The following ATP2A3 variants were observed in gnomAD, a reference collection of about 807,000 sequenced individuals.
ATP2A3 encodes ATPase sarcoplasmic/endoplasmic reticulum Ca2+ transporting 3.
Under a neutral mutation model 106.8 loss-of-function variants are expected in ATP2A3, and 61 were observed. That is an observed-to-expected ratio of 0.57 (90% CI 0.46 to 0.71). The LOEUF is 0.71. ATP2A3 is among the 30% of genes least tolerant of loss of function. The pLI is 0.00. For missense variants in ATP2A3, 1,201 were observed against 1,423.5 expected, an observed-to-expected ratio of 0.84 and a Z score of 2.52; for synonymous variants, 611 against 609.3, an observed-to-expected ratio of 1.00 and a Z score of -0.04.
At chr17:3,958,849 AAT>A (rs775662160) in intron 1 of ATP2A3, among the ~76,000 whole-genome samples, 4,118 of 84,176 alleles carry the variant, frequency 0.049, 330 homozygotes, top group South Asian at 0.13. Flanking sequence ...CACATATATA[AAT>A]ATATATATAT....
At chr17:3,935,341 T>A in intron 16 of ATP2A3, 64 bp from the exon 17 acceptor site, 1 of 1,479,012 alleles carries the variant, frequency 6.8e-7, no homozygotes, top group Non-Finnish European at 9.4e-7. Context: ...CTGTTTCCCC[T>A]GCCTAATAAT....
In ATP2A3 at chr17:3,928,720, G is replaced by A; in HGVS notation, c.2923C>T (p.Leu975=). ...GCCTCATCCAGCAGGATGACAGGCA[G>A]AGATATCTGGAGCACCACCACCCAC... ...RQWVVVLQIS[L]PVILLDEALK... Residue 975 remains leucine (L), a synonymous_variant, in exon 20 of 21, where the codon CTG becomes TTG. Coordinates refer to ENST00000397041, the MANE Select transcript of ATP2A3 (RefSeq NM_005173.4). This position sits in a 1 kb window ranked among gnomAD's most constrained non-coding sequence, Gnocchi z 6.1. 2 of 1,551,638 alleles carry A rather than the reference G, an allele frequency of 1.3e-6. No individual in the cohort carries two copies. The highest frequency in any genetic ancestry group is 1.7e-6 in the Non-Finnish European group (2 of 1,147,288).
intron 1 of ATP2A3, among the ~76,000 whole-genome samples, chr17:3,963,846 TG>T (rs1008369022): frequency 2.0e-5 from 3 of 151,838 alleles, no homozygotes; most frequent in African/African-American, 7.3e-5. Context: ...GGCGCGGCGT[TG>T]GGGTGGAATA....
intron 11 of ATP2A3, 60 bp from the exon 12 acceptor site, chr17:3,942,791 C>A: frequency 6.2e-7 from 1 of 1,601,810 alleles, no homozygotes; most frequent in Non-Finnish European, 8.5e-7. Flanking sequence ...CGCCTGCCTT[C>A]CCACCAACTG....
intron 4 of ATP2A3, 57 bp downstream of exon 4, chr17:3,951,524 C>T (rs2054430562): frequency 6.4e-7 from 1 of 1,556,754 alleles, no homozygotes; most frequent in Non-Finnish European, 8.7e-7. Flanking sequence ...AGGTGGAGGG[C>T]ACTCCTAGTG....
chr17:3,937,039 TCA>T (rs1440582852), intron 15 of ATP2A3: 7 of 363,722 alleles, frequency 1.9e-5, no homozygotes. Flanking sequence ...CACACACCTC[TCA>T]CTCAGGCACT....
Position 3,953,278 on chromosome 17 carries a change from C to T in ATP2A3, c.219+69G>A. On this transcript the variant is annotated intron_variant, in intron 3 of 20. Coordinates refer to ENST00000397041, the MANE Select transcript of ATP2A3 (RefSeq NM_005173.4). This position sits in a 1 kb window ranked among gnomAD's most constrained non-coding sequence, Gnocchi z 5.1. ...AGGCCCAGGCTCCAGGACCTCGGAG[C>T]ACTGCCCAGCCTGGCTCTCCCTCCA... The T allele has an allele frequency of 1.3e-6, 2 of 1,545,564 alleles. No individual in the cohort carries two copies. Among genetic ancestry groups the T allele is most frequent in the East Asian group, 2.2e-5 (1 of 44,502 alleles).
chr17:3,931,139 CA>C (rs561383105), intron 17 of ATP2A3, among the ~76,000 whole-genome samples: 1,373 of 130,466 alleles, frequency 0.011, 2 homozygotes, highest in Middle Eastern at 0.016. Context: ...GACTCTGTCT[CA>C]AAAAAAAAAA....
intron 1 of ATP2A3, among the ~76,000 whole-genome samples, chr17:3,959,991 C>T (rs893793529): frequency 5.9e-5 from 9 of 152,184 alleles, no homozygotes; most frequent in Middle Eastern, 3.2e-3. Context: ...TGGGGGGCTT[C>T]AGCTGCCCAG....
At position 3,930,384 on chromosome 17, in the gene ATP2A3, G is replaced by T. The variant is rs766499633; in HGVS notation, c.2661C>A (p.Asp887Glu). 2 of 1,613,880 alleles carry T rather than the reference G, an allele frequency of 1.2e-6. No individual in the cohort carries two copies. The highest frequency in any genetic ancestry group is 1.7e-5 in the Admixed American group (1 of 59,994). ...GGAAGCGTGACTCGAACACCTCACA[G>T]TCGATGCCGGCAAAGAGCGGGTTGT... Reference protein sequence around the residue: ...SEDNPLFAGIDCEVFESRFPT... With the variant: ...SEDNPLFAGIECEVFESRFPT... The change falls in exon 18 of 21, where the codon GAC becomes GAA. Residue 887 changes from aspartate to glutamate, a missense_variant. Asp to Glu is a conservative substitution (Grantham distance 45). Around this residue, in one of 2 missense-constraint regions of ATP2A3, gnomAD observed 935 missense variants for 1,176.7 expected, o/e 0.79. Coordinates refer to ENST00000397041, the MANE Select transcript of ATP2A3 (RefSeq NM_005173.4). The surrounding 1 kb of genome is among the most constrained non-coding windows in gnomAD (Gnocchi z 5.4).
At chr17:3,937,971 G>A (rs553911831) in intron 14 of ATP2A3, among the ~76,000 whole-genome samples, 3 of 152,266 alleles carry the variant, frequency 2.0e-5, no homozygotes, top group Admixed American at 6.5e-5. Flanking sequence ...CTGAGGTTAG[G>A]GAGAAAGCTG....
At position 3,964,222 on chromosome 17, in the gene ATP2A3, G is replaced by A; in HGVS notation, c.70C>T (p.Leu24=). Reference sequence around the variant, plus strand: ...GCGCCGGTCACCTGCGCCGGGCTCAGGCCGCCCTCGGCTGTCACCGAGAAG... The same window carrying A: ...GCGCCGGTCACCTGCGCCGGGCTCAAGCCGCCCTCGGCTGTCACCGAGAAG... ...RHFSVTAEGG[L]SPAQVTGARE... is the part of the protein sequence containing the mutation. Residue 24 remains leucine (L), a synonymous_variant, in exon 1 of 21, where the codon CTG becomes TTG. Coordinates refer to ENST00000397041, the MANE Select transcript of ATP2A3 (RefSeq NM_005173.4). 7.8e-7 allele frequency: 1 copy of A among 1,274,890 alleles called. No homozygotes were observed. The highest frequency in any genetic ancestry group is 1.0e-6 in the Non-Finnish European group (1 of 998,622). 79.0% of individuals were successfully genotyped at this position (1,274,890 alleles called of 1,614,324 possible). A position where few individuals can be genotyped will look rare whatever the true frequency, so the allele number is the denominator to read the frequency against.
rs1402857055 is a variant in ATP2A3 at position 3,941,077 on chromosome 17, T to G, written c.1994A>C (p.Gln665Pro). The change falls in exon 14 of 21, where the codon CAG becomes CCG. Residue 665 changes from glutamine to proline, a missense_variant. Physicochemically the swap from Gln to Pro is moderately conservative, Grantham distance 76. Transcript: ENST00000397041. The stretch of plus-strand genomic sequence containing the variant: ...GGCGGTGCGGCAGGCCTGGCGCTGC[T>G]GCTCGGGGCTGAGGTCATCAAACTC... ...GREFDDLSPE[Q>P]QRQACRTARC... 1.2e-6 allele frequency: 2 copies of G among 1,613,608 alleles called. No homozygotes were observed. Among genetic ancestry groups the G allele is most frequent in the South Asian group, 2.2e-5 (2 of 91,068 alleles).
intron 10 of ATP2A3, 83 bp from the exon 11 acceptor site, chr17:3,943,605 C>A (rs757611): frequency 0.42 from 675,638 of 1,595,104 alleles, 148,061 homozygotes; most frequent in Middle Eastern, 0.5. Flanking sequence ...CTTGCCCCTG[C>A]AGCTGCCTTT....
chr17:3,949,598 T>C (rs1050147160), intron 7 of ATP2A3, among the ~76,000 whole-genome samples: 3 of 152,242 alleles, frequency 2.0e-5, no homozygotes, highest in South Asian at 4.1e-4. Flanking sequence ...GTCCCAGCTG[T>C]GCCACTCATT....
At chr17:3,931,630 T>G (rs1436705252) in intron 17 of ATP2A3, among the ~76,000 whole-genome samples, 2 of 151,696 alleles carry the variant, frequency 1.3e-5, no homozygotes, top group East Asian at 3.9e-4. Flanking sequence ...CACGCCATTC[T>G]CCTGCCTCAG....
chr17:3,949,686 A>G (rs186330446), intron 7 of ATP2A3, among the ~76,000 whole-genome samples: 1 of 152,388 alleles, frequency 6.6e-6, no homozygotes, highest in Non-Finnish European at 1.5e-5. Context: ...GATAACAAGC[A>G]TAACAAGAGT....
rs1202643516 is a variant in ATP2A3 at position 3,929,406 on chromosome 17, C to A, written c.2784G>T (p.Trp928Cys). ...ENQSLLRMPPWMNPWLLVAVA... is the reference protein window; with the variant it reads ...ENQSLLRMPPCMNPWLLVAVA... ...CAGCCACCAGCAGCCAGGGGTTCATCCAGGGCGGCATCCGCAGCAGCGACT... is the reference window on the plus strand; with the variant it reads ...CAGCCACCAGCAGCCAGGGGTTCATACAGGGCGGCATCCGCAGCAGCGACT... Residue 928 changes from tryptophan (W) to cysteine (C), a missense_variant, in exon 19 of 21, where the codon TGG becomes TGT. This residue lies in a region of ATP2A3 where 935 missense variants were observed against 1,176.7 expected (regional missense o/e 0.79). Transcript: ENST00000397041. The surrounding 1 kb of genome is among the most constrained non-coding windows in gnomAD (Gnocchi z 4.3). 1.3e-6 allele frequency: 2 copies of A among 1,590,836 alleles called. No homozygotes were observed. Among genetic ancestry groups the A allele is most frequent in the Non-Finnish European group, 1.7e-6 (2 of 1,169,742 alleles).
At chr17:3,941,744 T>C in intron 12 of ATP2A3, 90 bp from the exon 13 acceptor site, 3 of 1,420,682 alleles carry the variant, frequency 2.1e-6, no homozygotes, top group Non-Finnish European at 2.9e-6. Flanking sequence ...GAGACTAAGA[T>C]ACGGGCAAAG....
Sources: gnomAD v4.1 joint callset for allele counts (sites outside exome capture counted in the v4.1 genomes callset) on GRCh38, gnomAD v4.1.1 for gene constraint, gnomAD v4.1.1 regional missense constraint, Gnocchi (gnomAD v3.1) non-coding constraint, MANE v1.5 for transcripts, NCBI Gene and HGNC (gene_info 2026-07-23, HGNC 2026-07-21) for gene names.